Variants in CCDC146 observed in about 807,000 individuals in gnomAD.
CCDC146 encodes coiled-coil domain-containing protein 146.
Under a neutral mutation model 119.3 loss-of-function variants are expected in CCDC146, and 92 were observed. That is an observed-to-expected ratio of 0.77 (90% confidence interval 0.65 to 0.92). The LOEUF (loss-of-function observed/expected upper bound fraction) is 0.92. Among genes scored for constraint, CCDC146 ranks in the 40% least tolerant of loss-of-function variants. CCDC146 has a pLI of 0.00. For missense variants in CCDC146, 1,000 were observed against 1,103.0 expected, an observed-to-expected ratio of 0.91 and a Z score of 1.32; for synonymous variants, 372 against 371.8, an observed-to-expected ratio of 1.00 and a Z score of -0.01.
chr7:77,210,564 C>T (rs1792162051), intron 2 of CCDC146, among the ~76,000 whole-genome samples: 1 of 152,168 alleles, frequency 6.6e-6, no homozygotes, highest in Admixed American at 6.5e-5. Flanking sequence ...CAACCTCTGC[C>T]CATTACCCAG....
chr7:77,190,874 AAAATT>A (rs1473214464), intron 2 of CCDC146, among the ~76,000 whole-genome samples: 4 of 152,338 alleles, frequency 2.6e-5, no homozygotes, highest in African/African-American at 9.6e-5. Context: ...AACTTTTTAA[AAAATT>A]AAAGGATTCA....
chr7:77,274,578 G>A lies in CCDC146; in HGVS notation c.1366G>A (p.Val456Ile), dbSNP rs1302094723. ...KEQENMKELV[V>I]NLLRMTQIKI... is the part of the protein sequence containing the mutation. ...GCAAGAAAACATGAAAGAGCTAGTA[G>A]TCAACCTTCTCCGCATGACTCAAAT... is the stretch of plus-strand genomic sequence containing the variant. The change falls in exon 11 of 19, where the codon GTC (valine) becomes ATC (isoleucine). Residue 456 changes from valine to isoleucine, a missense_variant. This residue lies in a region of CCDC146 where 985 missense variants were observed against 1,045.3 expected (regional missense o/e 0.94). Transcript: ENST00000285871. 6.2e-7 allele frequency: 1 copy of A among 1,613,558 alleles called. No homozygotes were observed. The highest frequency in any genetic ancestry group is 8.5e-7 in the Non-Finnish European group (1 of 1,179,704).
chr7:77,150,205 A>G (rs1390607105), intron 1 of CCDC146, among the ~76,000 whole-genome samples: 2 of 152,114 alleles, frequency 1.3e-5, no homozygotes, highest in African/African-American at 2.4e-5. Context: ...TGTGAACCAC[A>G]AAAGAAAAAA....
intron 11 of CCDC146, among the ~76,000 whole-genome samples, chr7:77,277,472 T>C (rs1793671314): frequency 6.6e-6 from 1 of 152,228 alleles, no homozygotes. Flanking sequence ...TGTTTATCCC[T>C]TGAGTATTTT....
Position 77,150,783 on chromosome 7 carries a change from G to C in CCDC146, c.-11-16875G>C, listed in dbSNP as rs115577221. On this transcript the variant is annotated intron_variant, in intron 1 of 18. Transcript: ENST00000285871. ...GTTCATAGCTACTTGATTCATAGTA[G>C]CTAACAAACTGGAAACAAATGAAAT... Among the ~76,000 whole-genome samples, 2 of 152,180 alleles carry C rather than the reference G, an allele frequency of 1.3e-5. 1 individual carries two copies.
chr7:77,205,409 T>C (rs1323505360), intron 2 of CCDC146, among the ~76,000 whole-genome samples: 1 of 152,168 alleles, frequency 6.6e-6, no homozygotes, highest in Non-Finnish European at 1.5e-5. Context: ...AATTCAAACC[T>C]GAAAGAAGTT....
Position 77,196,650 on chromosome 7 carries a change from C to T in CCDC146, c.156+28826C>T. The T allele has an allele frequency of 6.2e-7, 1 of 1,614,114 alleles. No homozygotes were observed. Among genetic ancestry groups the T allele is most frequent in the East Asian group, 2.2e-5 (1 of 44,888 alleles). ...AACTCATTAGCCACATAAAACTGAT[C>T]ATACAAGGCATATAGTTCGACACCA... On this transcript the variant is annotated intron_variant, in intron 2 of 18. Coordinates refer to ENST00000285871, the MANE Select transcript of CCDC146 (RefSeq NM_020879.3). The surrounding 1 kb of genome is among the most constrained non-coding windows in gnomAD (Gnocchi z 4.2).
In CCDC146 at chr7:77,241,805, G is replaced by A. The variant is rs748227263; in HGVS notation, c.354G>A (p.Thr118=). Residue 118 remains threonine (T), a synonymous_variant, in exon 4 of 19, where the codon ACG becomes ACA. Coordinates refer to ENST00000285871, the MANE Select transcript of CCDC146 (RefSeq NM_020879.3). ...QADNFPEAFS[T]EVSKMREQLL... ...ATAATTTTCCAGAAGCATTCTCCAC[G>A]GAGGTCTCCAAAATGAGAGAACAAC... The A allele has an allele frequency of 1.2e-5, 19 of 1,613,984 alleles. No homozygotes were observed. The highest frequency in any genetic ancestry group is 1.1e-4 in the East Asian group (5 of 44,888).
chr7:77,240,904 C>A (rs1792830493), intron 3 of CCDC146, among the ~76,000 whole-genome samples: 1 of 151,872 alleles, frequency 6.6e-6, no homozygotes, highest in African/African-American at 2.4e-5. Flanking sequence ...TAGCCCTCAT[C>A]TCTCCTTGAT....
chr7:77,142,059 A>G (rs1790940711), intron 1 of CCDC146, among the ~76,000 whole-genome samples: 1 of 152,126 alleles, frequency 6.6e-6, no homozygotes, highest in Admixed American at 6.6e-5. Flanking sequence ...TATTGATGGA[A>G]TGTATCTCAA....
chr7:77,259,624 A>T (rs1287007362), intron 7 of CCDC146, among the ~76,000 whole-genome samples: 2 of 152,204 alleles, frequency 1.3e-5, no homozygotes, highest in Non-Finnish European at 2.9e-5. Flanking sequence ...TAAGGGGAAA[A>T]ATTAGGCAGG....
At chr7:77,276,590 T>C (rs921825395) in intron 11 of CCDC146, among the ~76,000 whole-genome samples, 1 of 152,200 alleles carries the variant, frequency 6.6e-6, no homozygotes, top group Non-Finnish European at 1.5e-5. Flanking sequence ...ACTTAATCCA[T>C]GTTAAACAAT....
chr7:77,205,489 G>A (rs1402874970), intron 2 of CCDC146, among the ~76,000 whole-genome samples: 1 of 152,242 alleles, frequency 6.6e-6, no homozygotes, highest in East Asian at 1.9e-4. Context: ...TGGGCATGCT[G>A]GCTCAGGCCT....
rs1792855906 is a variant in CCDC146, at chr7:77,241,865, G to A, written c.414G>A (p.Lys138=). The change falls in exon 4 of 19, where the codon AAG becomes AAA. Residue 138 remains lysine (K), a synonymous_variant. Coordinates refer to ENST00000285871, the MANE Select transcript of CCDC146 (RefSeq NM_020879.3). ...ATCAAAATGAATATAATGCAGTGAA[G>A]GAAAGAGAGTTCCATAATCAGTACA... ...LKYQNEYNAV[K]EREFHNQYRL... is the part of the protein sequence containing the mutation. The A allele has an allele frequency of 6.2e-7, 1 of 1,613,836 alleles. No individual in the cohort carries two copies. The highest frequency in any genetic ancestry group is 8.5e-7 in the Non-Finnish European group (1 of 1,179,816).
At chr7:77,152,675 T>C (rs1009349295) in intron 1 of CCDC146, among the ~76,000 whole-genome samples, 9 of 152,184 alleles carry the variant, frequency 5.9e-5, no homozygotes, top group Admixed American at 4.6e-4. Flanking sequence ...CTTTTAAGGC[T>C]CTCACACCAA....
chr7:77,224,126 T>C (rs574551365), intron 2 of CCDC146, among the ~76,000 whole-genome samples: 4 of 152,326 alleles, frequency 2.6e-5, no homozygotes, highest in African/African-American at 9.6e-5. Flanking sequence ...CATAACAAAT[T>C]ACCACAAACT....
chr7:77,199,277 C>T (rs762547973), intron 2 of CCDC146: 18 of 1,614,110 alleles, frequency 1.1e-5, no homozygotes, highest in Non-Finnish European at 1.4e-5. Flanking sequence ...TTGCTGTCAA[C>T]ATAATTTTCT....
chr7:77,228,040 C>T (rs1792549796), intron 2 of CCDC146, among the ~76,000 whole-genome samples: 1 of 152,186 alleles, frequency 6.6e-6, no homozygotes, highest in Admixed American at 6.5e-5. Context: ...CTGTACCAGA[C>T]CTGAAATCAA....
intron 9 of CCDC146, among the ~76,000 whole-genome samples, chr7:77,267,321 T>C (rs1793425281): frequency 6.6e-6 from 1 of 152,168 alleles, no homozygotes; most frequent in African/African-American, 2.4e-5. Context: ...TGAGGCCCAG[T>C]GCTGACTTGT....
Sources: allele counts gnomAD v4.1 joint callset (sites outside exome capture counted in the v4.1 genomes callset), GRCh38; gene constraint gnomAD v4.1.1; regional missense constraint gnomAD v4.1.1; non-coding constraint Gnocchi (gnomAD v3.1); transcripts MANE v1.5; gene names NCBI Gene and HGNC (gene_info 2026-07-23, HGNC 2026-07-21).